ZFYVE28: variants seen among roughly 807,000 people sequenced by gnomAD.
ZFYVE28 encodes the protein lateral signaling target protein 2 homolog.
A neutral mutation model predicts 82.1 loss-of-function variants in ZFYVE28; 40 were observed. That is an observed-to-expected ratio of 0.49 (90% CI 0.38 to 0.63). ZFYVE28 has a LOEUF of 0.63. Among genes scored for constraint, ZFYVE28 ranks in the 30% least tolerant of loss-of-function variants. The pLI, the probability that ZFYVE28 is intolerant of heterozygous loss-of-function variation, is 0.00. For synonymous variants in ZFYVE28, 612 were observed against 546.1 expected, an observed-to-expected ratio of 1.12 and a Z score of -1.68; for missense variants, 1,321 against 1,242.1, an observed-to-expected ratio of 1.06 and a Z score of -0.96.
At chr4:2,364,951 C>T (rs1039285618) in intron 1 of ZFYVE28, 42 of 974,136 alleles carry the variant, frequency 4.3e-5, no homozygotes, top group Non-Finnish European at 5.1e-5. Flanking sequence ...GCGGCGCAGC[C>T]TCAGCCACAG....
intron 1 of ZFYVE28, among the ~76,000 whole-genome samples, chr4:2,410,454 C>CTTTTTTTT (rs11358765): frequency 2.5e-5 from 3 of 119,332 alleles, no homozygotes; most frequent in Middle Eastern, 4.7e-3. Flanking sequence ...TCCTCCCTTT[C>CTTTTTTTT]TTTTTTTTTT....
At chr4:2,319,870 A>G (rs1163752907) in intron 7 of ZFYVE28, among the ~76,000 whole-genome samples, 2 of 151,316 alleles carry the variant, frequency 1.3e-5, no homozygotes, top group Admixed American at 6.6e-5. Flanking sequence ...GGACAATGGG[A>G]ATGGTGGGGA....
At chr4:2,298,681 G>A (rs549795360) in intron 8 of ZFYVE28, among the ~76,000 whole-genome samples, 3 of 152,330 alleles carry the variant, frequency 2.0e-5, no homozygotes, top group East Asian at 3.9e-4. Context: ...GAGGACTCAA[G>A]TACAGTCACA....
At chr4:2,276,450 C>A (rs1343113478) in intron 8 of ZFYVE28, among the ~76,000 whole-genome samples, 1 of 152,180 alleles carries the variant, frequency 6.6e-6, no homozygotes, top group Admixed American at 6.5e-5. Context: ...AGCTTCCACT[C>A]GGTACCCCCA....
intron 7 of ZFYVE28, among the ~76,000 whole-genome samples, chr4:2,316,716 G>T (rs4974675): frequency 6.7e-6 from 1 of 148,460 alleles, no homozygotes. Context: ...TTTTTGAGAT[G>T]GAGTCTCGCT....
chr4:2,291,106 C>A (rs1196896503), intron 8 of ZFYVE28, among the ~76,000 whole-genome samples: 1 of 152,208 alleles, frequency 6.6e-6, no homozygotes, highest in South Asian at 2.1e-4. Context: ...ACCTTGCAGG[C>A]GCTTTTGCTG....
chr4:2,272,492 A>T (rs1735999216), intron 10 of ZFYVE28, among the ~76,000 whole-genome samples: 1 of 152,130 alleles, frequency 6.6e-6, no homozygotes, highest in South Asian at 2.1e-4. Context: ...ACATGTGCGC[A>T]CGTGTGAGTG....
At chr4:2,275,316 C>T (rs914813894) in intron 8 of ZFYVE28, among the ~76,000 whole-genome samples, 16 of 152,218 alleles carry the variant, frequency 1.1e-4, no homozygotes, top group African/African-American at 3.6e-4. Flanking sequence ...TCACCTCGCC[C>T]AACTCTAGGG....
chr4:2,305,757 G>C (rs1716477363), intron 7 of ZFYVE28, among the ~76,000 whole-genome samples: 1 of 152,244 alleles, frequency 6.6e-6, no homozygotes, highest in Non-Finnish European at 1.5e-5. Context: ...GGCCGGCTGG[G>C]ATTCTAGTAC....
intron 1 of ZFYVE28, among the ~76,000 whole-genome samples, chr4:2,403,087 T>A (rs973930312): frequency 6.6e-6 from 1 of 152,184 alleles, no homozygotes; most frequent in Non-Finnish European, 1.5e-5. Context: ...ACAATACAGG[T>A]CCTTTCCCCG....
rs1336156403 is a variant in ZFYVE28, at chr4:2,304,363, C to A, written c.1977G>T (p.Gln659His). 5 of 1,610,494 alleles carry A rather than the reference C, an allele frequency of 3.1e-6. No homozygotes were observed. The highest frequency in any genetic ancestry group is 4.2e-6 in the Non-Finnish European group (5 of 1,179,948). ...LQGEAGVAGQ[Q>H]EPEARELHAG... ...CATGCAGCTCTCTGGCCTCTGGCTC[C>A]TGCTGACCTGCAACCCCAGCCTCTC... The change falls in exon 8 of 13, where the codon CAG becomes CAT. Residue 659 changes from glutamine (Q) to histidine (H), a missense_variant. Physicochemically the swap from Gln to His is conservative, Grantham distance 24. Coordinates refer to ENST00000290974, the MANE Select transcript of ZFYVE28 (RefSeq NM_020972.3).
At chr4:2,291,403 G>C (rs1260982350) in intron 8 of ZFYVE28, among the ~76,000 whole-genome samples, 2 of 152,142 alleles carry the variant, frequency 1.3e-5, no homozygotes, top group Non-Finnish European at 2.9e-5. Context: ...TCACCTTCTT[G>C]GGCTCACGGG....
In ZFYVE28 at chr4:2,341,691, G is replaced by A. The variant is rs529574813; in HGVS notation, c.181-76C>T. 33 of 1,555,322 alleles carry A rather than the reference G, an allele frequency of 2.1e-5. No individual in the cohort carries two copies. The highest frequency in any genetic ancestry group is 2.0e-4 in the East Asian group (9 of 44,062). On this transcript the variant is annotated intron_variant, in intron 2 of 12. Coordinates refer to ENST00000290974, the MANE Select transcript of ZFYVE28 (RefSeq NM_020972.3). The surrounding 1 kb of genome is among the most constrained non-coding windows in gnomAD (Gnocchi z 4.5). ...GCCGCCATGTACTGCTGGAAAACAC[G>A]CACGGTGCATGTGACTGTTTTTTAG...
rs61790668 is a variant in ZFYVE28 at position 2,370,399 on chromosome 4, T to A, written c.40-16326A>T. ...CTGGAGTCAGCAGAGCTGGCCGAGC[T>A]GCCCAGCCCATGGATGGGGTGCCCT... On this transcript the variant is annotated intron_variant, in intron 1 of 12. Transcript: ENST00000290974. 5.0e-3 allele frequency among the ~76,000 whole-genome samples: 760 copies of A among 152,290 alleles called. 4 individuals are homozygous for A. Among genetic ancestry groups the A allele is most frequent in the Non-Finnish European group, 8.8e-3 (597 of 68,016 alleles).
At chr4:2,284,377 G>A (rs530104720) in intron 8 of ZFYVE28, among the ~76,000 whole-genome samples, 5 of 152,326 alleles carry the variant, frequency 3.3e-5, no homozygotes, top group South Asian at 2.1e-4. Context: ...ATAGGCCACC[G>A]TGGCTCGCCT....
rs1259945185 is a variant in ZFYVE28 at position 2,305,438 on chromosome 4, T to C, written c.902A>G (p.Gln301Arg). The change falls in exon 8 of 13, where the codon CAG (glutamine) becomes CGG (arginine). Residue 301 changes from glutamine (Q) to arginine (R), a missense_variant. Around this residue, in one of 2 missense-constraint regions of ZFYVE28, gnomAD observed 978 missense variants for 833.7 expected, o/e 1.17. Coordinates refer to ENST00000290974, the MANE Select transcript of ZFYVE28 (RefSeq NM_020972.3). Reference protein sequence around the residue: ...DVEFPIRADVQGPAALAPALS... With the variant: ...DVEFPIRADVRGPAALAPALS... ...GGCAGGCGCCAGGGCAGCGGGTCCC[T>C]GCACGTCTGCGCGGATGGGGAACTC... is the stretch of plus-strand genomic sequence containing the variant. 1 of 1,612,910 alleles carries C rather than the reference T, an allele frequency of 6.2e-7. No homozygotes were observed. The highest frequency in any genetic ancestry group is 1.3e-5 in the African/African-American group (1 of 75,076).
chr4:2,291,087 T>A (rs900567347), intron 8 of ZFYVE28, among the ~76,000 whole-genome samples: 1 of 152,202 alleles, frequency 6.6e-6, no homozygotes, highest in Non-Finnish European at 1.5e-5. Flanking sequence ...GTCGCCCTTC[T>A]CGTCTCGCAC....
Position 2,304,431 on chromosome 4 carries a change from G to C in ZFYVE28, c.1909C>G (p.His637Asp), listed in dbSNP as rs994991729. The change falls in exon 8 of 13, where the codon CAC becomes GAC. Residue 637 changes from histidine (H) to aspartate (D), a missense_variant. Physicochemically the swap from His to Asp is moderately conservative, Grantham distance 81. This residue lies in a region of ZFYVE28 where 978 missense variants were observed against 833.7 expected (regional missense o/e 1.17). Coordinates refer to ENST00000290974, the MANE Select transcript of ZFYVE28 (RefSeq NM_020972.3). ...GTGTCCACCTGGGAACCTGAGGTGT[G>C]AGGCAGGCACTTGTCGGAAGTGGGG... ...KAPTSDKCLP[H>D]TSGSQVDTAS... is the part of the protein sequence containing the mutation. The C allele has an allele frequency of 4.3e-6, 7 of 1,613,554 alleles. No individual in the cohort carries two copies. The highest frequency in any genetic ancestry group is 5.9e-6 in the Non-Finnish European group (7 of 1,180,006).
chr4:2,346,351 AAAAGAAAGAAAG>A (rs1225544327), intron 2 of ZFYVE28, among the ~76,000 whole-genome samples: 1 of 149,128 alleles, frequency 6.7e-6, no homozygotes, highest in Non-Finnish European at 1.5e-5. Flanking sequence ...CAAAAAAAAA[AAAAGAAAGAAAG>A]AAAGAAAGAA....
Sources: allele counts gnomAD v4.1 joint callset (sites outside exome capture counted in the v4.1 genomes callset), GRCh38; gene constraint gnomAD v4.1.1; regional missense constraint gnomAD v4.1.1; non-coding constraint Gnocchi (gnomAD v3.1); transcripts MANE v1.5; gene names NCBI Gene and HGNC (gene_info 2026-07-23, HGNC 2026-07-21).